The following PTPRN2 variants were observed in gnomAD, a reference collection of about 807,000 sequenced individuals.
The protein encoded by PTPRN2 is receptor-type tyrosine-protein phosphatase N2.
In PTPRN2, 74 loss-of-function variants were observed where a neutral mutation model predicts 118.8. That is an observed-to-expected ratio of 0.62 (90% CI 0.52 to 0.76). PTPRN2 has a LOEUF of 0.76. Ranked by LOEUF, PTPRN2 falls within the 30% of genes least tolerant of loss-of-function variation. The pLI is 0.00. For synonymous variants in PTPRN2, 641 were observed against 608.0 expected (o/e 1.05, Z -0.80); for missense variants, 1,481 against 1,394.4 (o/e 1.06, Z -0.99).
chr7:158,141,174 C>T (rs866905460), intron 6 of PTPRN2, among the ~76,000 whole-genome samples: 2 of 152,198 alleles, frequency 1.3e-5, no homozygotes, highest in South Asian at 2.1e-4. Context: ...AGAGGGATCT[C>T]GGCACAATCC....
At chr7:157,666,894 C>CA (rs1563323813) in intron 13 of PTPRN2, among the ~76,000 whole-genome samples, 5 of 151,896 alleles carry the variant, frequency 3.3e-5, no homozygotes, top group Non-Finnish European at 1.5e-5. Context: ...GTGATGAGTA[C>CA]GAGCCCTGGC....
intron 14 of PTPRN2, among the ~76,000 whole-genome samples, chr7:157,653,227 C>T (rs879506689): frequency 2.0e-4 from 30 of 152,194 alleles, no homozygotes; most frequent in African/African-American, 6.8e-4. Flanking sequence ...TCAGATGCCA[C>T]GTTTTGTCCA....
chr7:157,868,180 G>A lies in PTPRN2; in HGVS notation c.1788+30493C>T, dbSNP rs1205893765. ...TATCCTAAGGCCAGGCACAGGAAGG[G>A]TTCCTTTCCCGATGGCTCCGACAGC... On this transcript the variant is annotated intron_variant, in intron 12 of 22. Transcript: ENST00000389418. The surrounding 1 kb of genome is among the most constrained non-coding windows in gnomAD (Gnocchi z 5.2). Among the ~76,000 whole-genome samples the A allele has an allele frequency of 1.3e-5, 2 of 152,234 alleles. No individual in the cohort carries two copies. The highest frequency in any genetic ancestry group is 4.8e-5 in the African/African-American group (2 of 41,454).
intron 6 of PTPRN2, among the ~76,000 whole-genome samples, chr7:158,165,275 G>A (rs1456592217): frequency 6.6e-6 from 1 of 152,162 alleles, no homozygotes; most frequent in Non-Finnish European, 1.5e-5. Flanking sequence ...TCTCGGAGTA[G>A]AGCATGGCTT....
rs374776951 is a variant in PTPRN2 at position 158,316,812 on chromosome 7, G to C, written c.277+7C>G. 1.3e-6 allele frequency: 2 copies of C among 1,591,686 alleles called. No homozygotes were observed. Among genetic ancestry groups the C allele is most frequent in the Admixed American group, 1.7e-5 (1 of 58,110 alleles). On this transcript the variant is annotated splice_region_variant and intron_variant, in intron 3 of 22. Coordinates refer to ENST00000389418, the MANE Select transcript of PTPRN2 (RefSeq NM_002847.5). ...AGCCGCCGAGCCTCGGCCCACGCCC[G>C]CCCTACCTGTGCCGGAAAGCTTCTG...
intron 12 of PTPRN2, among the ~76,000 whole-genome samples, chr7:157,776,954 C>A (rs1803362525): frequency 7.3e-6 from 1 of 136,798 alleles, no homozygotes; most frequent in Admixed American, 7.3e-5. Context: ...CTTCCTCTTC[C>A]CTCTCCTCCT....
chr7:157,658,918 C>T (rs1262910425), intron 13 of PTPRN2, among the ~76,000 whole-genome samples: 1 of 152,120 alleles, frequency 6.6e-6, no homozygotes, highest in Non-Finnish European at 1.5e-5. Context: ...CCACTCGCTC[C>T]CCACAGCCGT....
chr7:157,958,871 G>A (rs1048496760), intron 11 of PTPRN2, among the ~76,000 whole-genome samples: 1 of 152,110 alleles, frequency 6.6e-6, no homozygotes, highest in Non-Finnish European at 1.5e-5. Context: ...CAAAAATATT[G>A]ATATTTTTTC....
chr7:157,709,650 T>C (rs1014012495), intron 12 of PTPRN2, among the ~76,000 whole-genome samples: 1 of 152,188 alleles, frequency 6.6e-6, no homozygotes, highest in African/African-American at 2.4e-5. Flanking sequence ...GCGGTCCTGC[T>C]ACATGGGAAG....
chr7:158,104,687 A>C (rs1375055296), intron 10 of PTPRN2, among the ~76,000 whole-genome samples: 3 of 150,730 alleles, frequency 2.0e-5, no homozygotes, highest in Admixed American at 1.3e-4. Context: ...CTCCATCCTC[A>C]GCACTATCCC....
intron 11 of PTPRN2, among the ~76,000 whole-genome samples, chr7:158,060,613 A>T (rs75523752): frequency 0.028 from 4,233 of 152,332 alleles, 80 homozygotes; most frequent in East Asian, 0.076. Flanking sequence ...AATAAGGCCA[A>T]ATCCACAGGT....
At chr7:157,707,518 C>T (rs1172800360) in intron 12 of PTPRN2, among the ~76,000 whole-genome samples, 1 of 152,220 alleles carries the variant, frequency 6.6e-6, no homozygotes, top group Admixed American at 6.5e-5. Context: ...AGTTTAAAAG[C>T]TTCAGGGAAG....
intron 11 of PTPRN2, among the ~76,000 whole-genome samples, chr7:158,035,534 G>C (rs146822308): frequency 6.6e-6 from 1 of 152,184 alleles, no homozygotes; most frequent in Non-Finnish European, 1.5e-5. Flanking sequence ...AGGAGGGCAG[G>C]GGGCAGGTGC....
intron 22 of PTPRN2, among the ~76,000 whole-genome samples, chr7:157,547,440 T>C (rs887626766): frequency 7.9e-5 from 12 of 152,126 alleles, no homozygotes; most frequent in African/African-American, 2.9e-4. Flanking sequence ...TGGAACTCCT[T>C]GGTACAGAGA....
intron 3 of PTPRN2, among the ~76,000 whole-genome samples, chr7:158,285,016 CCCT>C (rs1799677137): frequency 3.3e-5 from 5 of 152,196 alleles, no homozygotes. Flanking sequence ...ATGACAGGAA[CCCT>C]CCTCATCACG....
chr7:158,412,519 C>T (rs1814219851), intron 2 of PTPRN2, among the ~76,000 whole-genome samples: 1 of 99,546 alleles, frequency 1.0e-5, no homozygotes, highest in Admixed American at 9.8e-5. Flanking sequence ...GCCCATCCAG[C>T]ACCCTCCTCA....
intron 6 of PTPRN2, among the ~76,000 whole-genome samples, chr7:158,149,504 T>C (rs1820700523): frequency 6.6e-6 from 1 of 152,130 alleles, no homozygotes; most frequent in South Asian, 2.1e-4. Context: ...ACTCACTGAT[T>C]TTTAAAAAGA....
intron 12 of PTPRN2, among the ~76,000 whole-genome samples, chr7:157,811,710 CCT>C (rs773963626): frequency 3.9e-5 from 6 of 152,144 alleles, no homozygotes; most frequent in Non-Finnish European, 7.3e-5. Context: ...CAGGCCGGCC[CCT>C]GTGCCGAGAC....
chr7:157,779,547 C>T lies in PTPRN2; in HGVS notation c.1789-96610G>A, dbSNP rs75078613. 5.3e-5 allele frequency among the ~76,000 whole-genome samples: 8 copies of T among 152,280 alleles called. No individual in the cohort carries two copies. Among genetic ancestry groups the T allele is most frequent in the African/African-American group, 9.6e-5 (4 of 41,544 alleles). Reference sequence around the variant, plus strand: ...GCCCTCCACGTTGTCCCCAGCAGGGCGACGGAGGGTGGGGGCGGCAGGCTG... The same window carrying T: ...GCCCTCCACGTTGTCCCCAGCAGGGTGACGGAGGGTGGGGGCGGCAGGCTG... On this transcript the variant is annotated intron_variant, in intron 12 of 22. Coordinates refer to ENST00000389418, the MANE Select transcript of PTPRN2 (RefSeq NM_002847.5). This position sits in a 1 kb window ranked among gnomAD's most constrained non-coding sequence, Gnocchi z 4.7.
Sources: allele counts gnomAD v4.1 joint callset (sites outside exome capture counted in the v4.1 genomes callset), GRCh38; gene constraint gnomAD v4.1.1; non-coding constraint Gnocchi (gnomAD v3.1); transcripts MANE v1.5; gene names NCBI Gene and HGNC (gene_info 2026-07-23, HGNC 2026-07-21).